LAMA2: variants seen among roughly 807,000 people sequenced by gnomAD.
LAMA2 encodes laminin subunit alpha 2.
In LAMA2, 269 loss-of-function variants were observed where a neutral mutation model predicts 364.8. The observed-to-expected ratio is 0.74, with a 90% CI of 0.67 to 0.82. The LOEUF is 0.82. Ranked by LOEUF, LAMA2 falls within the 40% of genes least tolerant of loss-of-function variation. The pLI, the probability that LAMA2 is intolerant of heterozygous loss-of-function variation, is 0.00. For synonymous variants in LAMA2, 1,379 were observed against 1,370.6 expected (o/e 1.01, Z -0.14); for missense variants, 3,807 against 3,873.2 (o/e 0.98, Z 0.45).
At chr6:129,208,682 AAAG>A (rs1782869534) in intron 12 of LAMA2, among the ~76,000 whole-genome samples, 1 of 144,938 alleles carries the variant, frequency 6.9e-6, no homozygotes, top group Non-Finnish European at 1.5e-5. Context: ...AAAGAGAAGG[AAAG>A]AAAGAAAAAG....
At chr6:129,260,949 A>G in intron 15 of LAMA2, 127 bp downstream of exon 15, 1 of 683,396 alleles carries the variant, frequency 1.5e-6, no homozygotes, top group South Asian at 1.5e-5. Flanking sequence ...TCACTTAAAA[A>G]CAAAACTTGA....
intron 12 of LAMA2, among the ~76,000 whole-genome samples, chr6:129,206,526 G>A (rs939228944): frequency 1.3e-5 from 2 of 152,130 alleles, no homozygotes; most frequent in Admixed American, 1.3e-4. Flanking sequence ...GCTAAAAATT[G>A]TTTGGCATGT....
intron 20 of LAMA2, among the ~76,000 whole-genome samples, chr6:129,296,664 A>AT (rs3839404): frequency 2.0e-4 from 31 of 151,586 alleles, no homozygotes; most frequent in Non-Finnish European, 3.2e-4. Flanking sequence ...AAGTGGCAAG[A>AT]TTTTTTTTTA....
At chr6:129,390,088 A>G (rs553363219) in intron 35 of LAMA2, among the ~76,000 whole-genome samples, 1 of 152,356 alleles carries the variant, frequency 6.6e-6, no homozygotes, top group Non-Finnish European at 1.5e-5. Context: ...ATATAACGAA[A>G]AAAGAATTAT....
chr6:129,062,876 G>A (rs1016699619), intron 3 of LAMA2, among the ~76,000 whole-genome samples: 1 of 143,068 alleles, frequency 7.0e-6, no homozygotes, highest in Non-Finnish European at 1.5e-5. Flanking sequence ...AGAAACGATT[G>A]CATTTATTTG....
At chr6:129,392,950 A>C in intron 36 of LAMA2, 95 bp from the exon 37 acceptor site, 5 of 967,106 alleles carry the variant, frequency 5.2e-6, no homozygotes, top group Non-Finnish European at 7.9e-6. Flanking sequence ...CATTCTTTTC[A>C]TGTTAGCATC....
intron 55 of LAMA2, among the ~76,000 whole-genome samples, chr6:129,484,926 G>A (rs866761637): frequency 1.3e-5 from 2 of 152,114 alleles, no homozygotes; most frequent in Middle Eastern, 3.4e-3. Flanking sequence ...CAGCTTCATC[G>A]TTTACATGTA....
At chr6:129,292,620 G>T (rs1789788889) in intron 20 of LAMA2, among the ~76,000 whole-genome samples, 1 of 152,190 alleles carries the variant, frequency 6.6e-6, no homozygotes, top group African/African-American at 2.4e-5. Context: ...GGACAGATTT[G>T]CTCTAGCGCT....
intron 12 of LAMA2, among the ~76,000 whole-genome samples, chr6:129,226,047 G>A (rs1192482528): frequency 6.6e-6 from 1 of 152,212 alleles, no homozygotes; most frequent in Non-Finnish European, 1.5e-5. Context: ...ATTTAGGATA[G>A]TTAGCTCTTC....
At chr6:129,044,208 A>G (rs1464340038) in intron 1 of LAMA2, among the ~76,000 whole-genome samples, 1 of 152,050 alleles carries the variant, frequency 6.6e-6, no homozygotes, top group African/African-American at 2.4e-5. Context: ...ATATACATAC[A>G]CACACCAAAT....
intron 1 of LAMA2, among the ~76,000 whole-genome samples, chr6:128,896,811 G>C (rs1391459904): frequency 6.6e-6 from 1 of 152,128 alleles, no homozygotes; most frequent in Non-Finnish European, 1.5e-5. Flanking sequence ...TTGCTGTGCT[G>C]TTATTATTCA....
At chr6:128,927,913 A>T (rs1243211723) in intron 1 of LAMA2, among the ~76,000 whole-genome samples, 1 of 150,836 alleles carries the variant, frequency 6.6e-6, no homozygotes, top group Non-Finnish European at 1.5e-5. Flanking sequence ...AAAAAAAGTA[A>T]TCAGCACCAT....
intron 12 of LAMA2, among the ~76,000 whole-genome samples, chr6:129,220,366 A>T (rs556719797): frequency 2.0e-4 from 31 of 152,336 alleles, no homozygotes; most frequent in Non-Finnish European, 2.5e-4. Context: ...ACAAAATGAG[A>T]TAAAAGTAAT....
At chr6:128,987,551 TCAG>T (rs1352502924) in intron 1 of LAMA2, among the ~76,000 whole-genome samples, 1 of 152,206 alleles carries the variant, frequency 6.6e-6, no homozygotes, top group Non-Finnish European at 1.5e-5. Flanking sequence ...AATCCTAAGA[TCAG>T]CATGTGAGAA....
intron 1 of LAMA2, among the ~76,000 whole-genome samples, chr6:129,004,615 G>A (rs983655479): frequency 6.6e-5 from 10 of 152,010 alleles, no homozygotes; most frequent in African/African-American, 2.2e-4. Context: ...GTAAACACAC[G>A]TTGACTTAAA....
At chr6:128,966,655 ATTG>A (rs1297034535) in intron 1 of LAMA2, among the ~76,000 whole-genome samples, 1 of 152,152 alleles carries the variant, frequency 6.6e-6, no homozygotes, top group Admixed American at 6.5e-5. Context: ...AAATGATTCA[ATTG>A]TTGTCTCAAT....
At chr6:129,248,509 A>G (rs1287032221) in intron 12 of LAMA2, among the ~76,000 whole-genome samples, 2 of 152,192 alleles carry the variant, frequency 1.3e-5, no homozygotes, top group African/African-American at 4.8e-5. Context: ...GTGATTTCAT[A>G]TATTAAGTTG....
chr6:129,057,594 T>C (rs1440455298), intron 2 of LAMA2, among the ~76,000 whole-genome samples: 1 of 152,230 alleles, frequency 6.6e-6, no homozygotes, highest in Non-Finnish European at 1.5e-5. Context: ...CTGAAAATTA[T>C]GAATCTGGAA....
intron 49 of LAMA2, among the ~76,000 whole-genome samples, chr6:129,461,106 C>T (rs1423055677): frequency 6.6e-6 from 1 of 151,988 alleles, no homozygotes; most frequent in Non-Finnish European, 1.5e-5. Context: ...ACTTATCACC[C>T]AAGCCTAAAG....
Sources: allele counts gnomAD v4.1 joint callset (sites outside exome capture counted in the v4.1 genomes callset), GRCh38; gene constraint gnomAD v4.1.1; transcripts MANE v1.5; gene names NCBI Gene and HGNC (gene_info 2026-07-23, HGNC 2026-07-21).